Variants in MFN1 observed in about 807,000 individuals in gnomAD.
MFN1 encodes the protein mitofusin-1.
MFN1 carries 65 observed loss-of-function variants against 92.4 expected under a neutral mutation model. The observed-to-expected ratio is 0.70, with a 90% CI of 0.58 to 0.86. The LOEUF (loss-of-function observed/expected upper bound fraction) is 0.86, where lower values mean the gene tolerates loss of function less well. Ranked by LOEUF, MFN1 falls within the 40% of genes least tolerant of loss-of-function variation. The pLI is 0.00. For synonymous variants in MFN1, 297 were observed against 300.9 expected (o/e 0.99, Z 0.13); for missense variants, 781 against 868.0 (o/e 0.90, Z 1.26).
chr3:179,361,684 G>A (rs765895643), intron 4 of MFN1, among the ~76,000 whole-genome samples: 9 of 151,892 alleles, frequency 5.9e-5, no homozygotes, highest in Non-Finnish European at 1.0e-4. Context: ...TTAGAGGCAC[G>A]TGCCACCATG....
intron 9 of MFN1, among the ~76,000 whole-genome samples, chr3:179,370,392 CTTTTTTTTTTT>C (rs34938438): frequency 3.4e-5 from 3 of 88,070 alleles, no homozygotes; most frequent in South Asian, 9.2e-4. Flanking sequence ...TCACTAAGTT[CTTTTTTTTTTT>C]TTTTTTTTTT....
chr3:179,365,093 C>T (rs1712732631), intron 6 of MFN1, 25 bp from the exon 7 acceptor site: 2 of 1,281,514 alleles, frequency 1.6e-6, no homozygotes, highest in African/African-American at 1.5e-5. Flanking sequence ...AGTGAATGTA[C>T]TGTGGGGTTT....
In MFN1 at chr3:179,392,902, A is replaced by G. The variant is rs1713963615; in HGVS notation, c.*843A>G. On this transcript the variant is annotated 3_prime_UTR_variant, in exon 18 of 18. Transcript: ENST00000471841. ...GGATTATACCCCATTGGAGGCTTTT[A>G]ATTTTATTTGTATGAATTTTCCAGG... 1 of 152,038 alleles carries G rather than the reference A, an allele frequency of 6.6e-6. No homozygotes were observed. Among genetic ancestry groups the G allele is most frequent in the Admixed American group, 6.6e-5 (1 of 15,260 alleles). 9.4% of individuals were successfully genotyped at this position (152,038 alleles called of 1,614,324 possible).
At chr3:179,375,397 T>C in intron 10 of MFN1, 56 bp downstream of exon 10, 2 of 1,599,808 alleles carry the variant, frequency 1.3e-6, no homozygotes, top group Non-Finnish European at 1.7e-6. Context: ...CAGACTTTTG[T>C]TAAGATGAGG....
intron 3 of MFN1, among the ~76,000 whole-genome samples, chr3:179,355,215 G>C (rs1007981703): frequency 1.3e-5 from 2 of 152,116 alleles, no homozygotes; most frequent in East Asian, 3.9e-4. Context: ...GACGACCAGA[G>C]GTCACTTTCA....
At chr3:179,384,159 G>A (rs62408875) in intron 14 of MFN1, among the ~76,000 whole-genome samples, 9 of 152,130 alleles carry the variant, frequency 5.9e-5, no homozygotes, top group African/African-American at 1.9e-4. Context: ...GGATGTATCA[G>A]TACTTCATTT....
intron 5 of MFN1, 82 bp downstream of exon 5, chr3:179,362,564 A>C (rs1712625814): frequency 2.4e-6 from 3 of 1,270,626 alleles, no homozygotes; most frequent in Admixed American, 2.6e-5. Flanking sequence ...TGGTATAAAA[A>C]ATTACAACAT....
intron 14 of MFN1, among the ~76,000 whole-genome samples, chr3:179,384,119 A>G (rs1713579571): frequency 6.6e-6 from 1 of 152,198 alleles, no homozygotes; most frequent in Admixed American, 6.5e-5. Flanking sequence ...TAATGTTTTC[A>G]AGGTTTATCA....
chr3:179,372,337 TTGG>T (rs1450579576), intron 9 of MFN1, among the ~76,000 whole-genome samples: 1 of 151,264 alleles, frequency 6.6e-6, no homozygotes, highest in Non-Finnish European at 1.5e-5. Flanking sequence ...GACAAGTTTG[TTGG>T]TTTTATGTTT....
At chr3:179,366,688 C>G (rs182196516) in intron 7 of MFN1, among the ~76,000 whole-genome samples, 2 of 152,258 alleles carry the variant, frequency 1.3e-5, no homozygotes, top group Admixed American at 1.3e-4. Flanking sequence ...ATTGGGGTCT[C>G]AGAATTAGGA....
intron 10 of MFN1, among the ~76,000 whole-genome samples, 153 bp downstream of exon 10, chr3:179,375,494 G>A (rs900769514): frequency 1.3e-5 from 2 of 152,172 alleles, no homozygotes; most frequent in African/African-American, 2.4e-5. Flanking sequence ...TTTTAAGTGC[G>A]TATTTGAAAG....
chr3:179,378,126 A>C, intron 12 of MFN1: 4 of 530,270 alleles, frequency 7.5e-6, no homozygotes, highest in Non-Finnish European at 9.9e-6. Flanking sequence ...CAGGAGTCTG[A>C]GGCAGGAGGA....
Position 179,356,925 on chromosome 3 carries a change from G to C in MFN1, c.249-1915G>C, listed in dbSNP as rs534927041. Among the ~76,000 whole-genome samples the C allele has an allele frequency of 6.6e-5, 10 of 152,258 alleles. No individual in the cohort carries two copies. The East Asian group carries it at 1.5e-3, about 24-fold the overall frequency. ...CGTAGGGTCACCAAATGAGGAGATG[G>C]GGGGGAACCTTAATCCATCTCCCCA... On this transcript the variant is annotated intron_variant, in intron 3 of 17. Transcript: ENST00000471841.
intron 5 of MFN1, 124 bp from the exon 6 acceptor site, chr3:179,364,173 T>C: frequency 1.7e-6 from 1 of 586,746 alleles, no homozygotes; most frequent in East Asian, 3.0e-5. Flanking sequence ...CCTAGACTTC[T>C]TACAGATGAC....
At chr3:179,380,172 A>G (rs1485953280) in intron 14 of MFN1, among the ~76,000 whole-genome samples, 1 of 152,256 alleles carries the variant, frequency 6.6e-6, no homozygotes, top group Non-Finnish European at 1.5e-5. Flanking sequence ...AAAACAGCAG[A>G]GAAATTCATT....
chr3:179,369,712 G>C (rs942596437), intron 9 of MFN1, among the ~76,000 whole-genome samples: 4 of 152,130 alleles, frequency 2.6e-5, no homozygotes, highest in Non-Finnish European at 5.9e-5. Context: ...GATCCAGGGG[G>C]TTGGGGTTGG....
At chr3:179,365,039 G>A (rs1421132424) in intron 6 of MFN1, 79 bp from the exon 7 acceptor site, 1 of 791,820 alleles carries the variant, frequency 1.3e-6, no homozygotes, top group Non-Finnish European at 1.9e-6. Context: ...AAATGGTTCA[G>A]ACTTTCTCAT....
rs1288223169 is a variant in MFN1 at position 179,394,685 on chromosome 3, G to A, written c.*2626G>A. The stretch of plus-strand genomic sequence containing the variant: ...CCGCCTCGGCCTCCCAAAGTGCTGG[G>A]ATTACAGGCGTGAGCCACCGCGCCC... On this transcript the variant is annotated 3_prime_UTR_variant, in exon 18 of 18. Transcript: ENST00000471841. 1 of 152,144 alleles carries A rather than the reference G, an allele frequency of 6.6e-6. No homozygotes were observed. Among genetic ancestry groups the A allele is most frequent in the Admixed American group, 6.5e-5 (1 of 15,272 alleles). The allele number at this position is 152,144 out of a possible 1,614,324, so 9.4% of individuals were successfully genotyped here.
In MFN1 at chr3:179,394,401, A is replaced by T. The variant is rs1444413194; in HGVS notation, c.*2342A>T. On this transcript the variant is annotated 3_prime_UTR_variant, in exon 18 of 18. Coordinates refer to ENST00000471841, the MANE Select transcript of MFN1 (RefSeq NM_033540.3). The stretch of plus-strand genomic sequence containing the variant: ...TGGAAATGGAACAGTAAAATAACGA[A>T]AGCCAACTTTTTTTTTTTTTTTTTT... 2 of 148,706 alleles carry T rather than the reference A, an allele frequency of 1.3e-5. No individual in the cohort carries two copies. The highest frequency in any genetic ancestry group is 3.0e-5 in the Non-Finnish European group (2 of 67,710). The allele number at this position is 148,706 out of a possible 1,614,324, so 9.2% of individuals were successfully genotyped here.
Sources: gnomAD v4.1 joint callset for allele counts (sites outside exome capture counted in the v4.1 genomes callset) on GRCh38, gnomAD v4.1.1 for gene constraint, MANE v1.5 for transcripts, NCBI Gene and HGNC (gene_info 2026-07-23, HGNC 2026-07-21) for gene names.